RGS6: variants seen among roughly 807,000 people sequenced by gnomAD.
RGS6 encodes the protein regulator of G protein signaling 6, also known as regulator of G-protein signaling 6.
RGS6 carries 30 observed loss-of-function variants against 78.5 expected under a neutral mutation model. The observed-to-expected ratio is 0.38, with a 90% CI of 0.29 to 0.52. The LOEUF is 0.52. Ranked by LOEUF, RGS6 falls within the 20% of genes least tolerant of loss-of-function variation. The probability of loss-of-function intolerance (pLI) is 0.85; values close to 1 mark genes in which losing one functional copy is unlikely to be tolerated. For missense variants in RGS6, 495 were observed against 609.7 expected (o/e 0.81, Z 1.98); for synonymous variants, 206 against 206.0 (o/e 1.00, Z 0.00).
intron 2 of RGS6, among the ~76,000 whole-genome samples, chr14:72,285,005 T>C (rs1048331410): frequency 6.6e-6 from 1 of 152,220 alleles, no homozygotes; most frequent in South Asian, 2.1e-4. Context: ...ATTTCTCCCA[T>C]TTGGGATGGG....
the RGS6 span, among the ~76,000 whole-genome samples, chr14:71,887,051 G>A: frequency 0.15 from 23,041 of 152,192 alleles, 2,582 homozygotes; most frequent in African/African-American, 0.31. Context: ...TTGGGAGGCT[G>A]AGGTGTTGCG....
intron 2 of RGS6, among the ~76,000 whole-genome samples, chr14:72,057,925 C>T (rs1163194793): frequency 6.6e-6 from 1 of 152,174 alleles, no homozygotes; most frequent in East Asian, 1.9e-4. Context: ...GAAGGATGTG[C>T]TAGCCTCTGT....
intron 2 of RGS6, among the ~76,000 whole-genome samples, chr14:72,152,083 AAC>A (rs1341226175): frequency 1.3e-4 from 20 of 149,760 alleles, no homozygotes; most frequent in Non-Finnish European, 1.8e-4. Flanking sequence ...AATAAAAGAT[AAC>A]ACAGGTAAAG....
the RGS6 span, among the ~76,000 whole-genome samples, chr14:72,579,911 C>G: frequency 1.3e-5 from 2 of 152,098 alleles, no homozygotes; most frequent in East Asian, 3.9e-4. Context: ...GTGGATGGGG[C>G]ACGAATTGAA....
intron 2 of RGS6, among the ~76,000 whole-genome samples, chr14:72,345,557 C>T (rs1383606029): frequency 6.6e-6 from 1 of 152,128 alleles, no homozygotes; most frequent in Non-Finnish European, 1.5e-5. Flanking sequence ...GGTTTTCTTC[C>T]ACAGGCCTGT....
At chr14:72,301,074 A>G (rs1036059908) in intron 2 of RGS6, among the ~76,000 whole-genome samples, 4 of 152,252 alleles carry the variant, frequency 2.6e-5, no homozygotes, top group Admixed American at 6.5e-5. Context: ...TAGTCAAAGC[A>G]GCAGTGATAG....
chr14:71,981,168 T>G (rs1158987611), intron 2 of RGS6, among the ~76,000 whole-genome samples: 1 of 149,300 alleles, frequency 6.7e-6, no homozygotes, highest in African/African-American at 2.4e-5. Context: ...TTCTTCTAAA[T>G]TTTTTTCAAA....
At chr14:71,943,758 C>T (rs1250732272) in intron 1 of RGS6, among the ~76,000 whole-genome samples, 1 of 152,186 alleles carries the variant, frequency 6.6e-6, no homozygotes, top group Non-Finnish European at 1.5e-5. Context: ...TTTTTCTCTG[C>T]ATCCTTGGGA....
chr14:72,080,820 T>C (rs1033102028), intron 2 of RGS6, among the ~76,000 whole-genome samples: 36 of 152,076 alleles, frequency 2.4e-4, no homozygotes, highest in Middle Eastern at 3.2e-3. Context: ...AAAAAATCTA[T>C]TGACCATTGA....
At chr14:72,018,091 A>G (rs2190870) in intron 2 of RGS6, among the ~76,000 whole-genome samples, 136,373 of 152,116 alleles carry the variant, frequency 0.9, 61,277 homozygotes, top group East Asian at 0.98. Context: ...ATGTCCCTGC[A>G]AAGGACATGA....
chr14:72,040,166 A>G (rs2092259780), intron 2 of RGS6, among the ~76,000 whole-genome samples: 1 of 152,150 alleles, frequency 6.6e-6, no homozygotes, highest in African/African-American at 2.4e-5. Context: ...AAAATGACAT[A>G]CAACCTACCA....
At chr14:71,891,498 T>C in the RGS6 span, among the ~76,000 whole-genome samples, 1 of 152,306 alleles carries the variant, frequency 6.6e-6, no homozygotes, top group African/African-American at 2.4e-5. Flanking sequence ...TCCTGATTTC[T>C]TACATGGCAA....
the RGS6 span, among the ~76,000 whole-genome samples, chr14:71,867,514 T>C: frequency 6.8e-4 from 104 of 152,120 alleles, no homozygotes; most frequent in Non-Finnish European, 1.4e-3. Context: ...GAAAAGCAGC[T>C]GTGTCTCACC....
intron 2 of RGS6, among the ~76,000 whole-genome samples, chr14:72,037,117 A>G (rs11624566): frequency 0.081 from 12,320 of 152,176 alleles, 547 homozygotes; most frequent in East Asian, 0.17. Flanking sequence ...ACTCTGTAAA[A>G]ACGTACCAAT....
intron 3 of RGS6, among the ~76,000 whole-genome samples, chr14:72,447,969 G>T (rs1274163388): frequency 6.6e-6 from 1 of 152,176 alleles, no homozygotes; most frequent in Non-Finnish European, 1.5e-5. Context: ...CTCCCGCAGT[G>T]TACTGTTCTC....
At chr14:72,449,741 G>C (rs890718511) in intron 3 of RGS6, among the ~76,000 whole-genome samples, 4 of 152,308 alleles carry the variant, frequency 2.6e-5, no homozygotes, top group Admixed American at 2.6e-4. Flanking sequence ...GTCTATAAAG[G>C]GTCGCTCTGA....
chr14:72,096,173 TGAGG>T (rs1449013771), intron 2 of RGS6, among the ~76,000 whole-genome samples: 1 of 151,800 alleles, frequency 6.6e-6, no homozygotes, highest in Non-Finnish European at 1.5e-5. Flanking sequence ...CTTGGGAGGC[TGAGG>T]GAGGGAGAAT....
At chr14:71,971,970 G>A (rs887992534) in intron 2 of RGS6, among the ~76,000 whole-genome samples, 8 of 145,768 alleles carry the variant, frequency 5.5e-5, no homozygotes, top group Non-Finnish European at 1.0e-4. Context: ...GAAGATGGGT[G>A]GTAGTAGTCT....
chr14:72,262,452 CTCT>C (rs1025363513), intron 2 of RGS6, among the ~76,000 whole-genome samples: 2 of 152,164 alleles, frequency 1.3e-5, no homozygotes, highest in East Asian at 1.9e-4. Context: ...GCGTCTCTTC[CTCT>C]TCTTCTAAAG....
Sources: gnomAD v4.1 joint callset for allele counts (sites outside exome capture counted in the v4.1 genomes callset) on GRCh38, gnomAD v4.1.1 for gene constraint, MANE v1.5 for transcripts, NCBI Gene and HGNC (gene_info 2026-07-23, HGNC 2026-07-21) for gene names.